Variants in TRPS1 observed in about 807,000 individuals in gnomAD.
The protein encoded by TRPS1 is transcriptional repressor GATA binding 1.
Under a neutral mutation model 101.2 loss-of-function variants are expected in TRPS1, and 6 were observed. The ratio of observed to expected loss-of-function variants is 0.06; its 90% confidence interval spans 0.03 to 0.12. TRPS1 has a LOEUF of 0.12. Ranked by LOEUF, TRPS1 falls within the 10% of genes least tolerant of loss-of-function variation. TRPS1 has a pLI of 1.00. For missense variants in TRPS1, 1,363 were observed against 1,567.0 expected (o/e 0.87, Z 2.20); for synonymous variants, 578 against 589.8 (o/e 0.98, Z 0.29).
At chr8:115,667,845 C>T (rs1811960791) in intron 1 of TRPS1, 2 of 1,535,232 alleles carry the variant, frequency 1.3e-6, no homozygotes, top group Non-Finnish European at 1.7e-6. Flanking sequence ...CTGAGACCCT[C>T]CCGACCCTCC....
At chr8:115,499,915 A>ATTTC (rs373053040) in intron 5 of TRPS1, among the ~76,000 whole-genome samples, 5,264 of 134,632 alleles carry the variant, frequency 0.039, 133 homozygotes, top group Middle Eastern at 0.051. Context: ...AAAGTGCTAA[A>ATTTC]TTTCTTTCTT....
chr8:115,622,766 A>T (rs1818423755), intron 2 of TRPS1, among the ~76,000 whole-genome samples: 1 of 152,186 alleles, frequency 6.6e-6, no homozygotes, highest in African/African-American at 2.4e-5. Context: ...CAGGACTCAC[A>T]AAGAAATGAG....
intron 5 of TRPS1, among the ~76,000 whole-genome samples, chr8:115,420,346 C>G (rs552128583): frequency 2.0e-5 from 3 of 152,144 alleles, no homozygotes; most frequent in Non-Finnish European, 4.4e-5. Context: ...TCCCTTTGTG[C>G]AAAGTAAGCT....
At chr8:115,648,517 G>GC (rs1256813569) in intron 1 of TRPS1, among the ~76,000 whole-genome samples, 1 of 152,192 alleles carries the variant, frequency 6.6e-6, no homozygotes, top group African/African-American at 2.4e-5. Flanking sequence ...CCTAGGCAGG[G>GC]CCGCAGACAG....
chr8:115,590,512 A>T (rs1817656375), intron 4 of TRPS1, among the ~76,000 whole-genome samples: 1 of 152,188 alleles, frequency 6.6e-6, no homozygotes, highest in Admixed American at 6.5e-5. Flanking sequence ...GACTGTAAAT[A>T]CCAGGGTGAC....
chr8:115,621,872 T>C (rs1330757466), intron 2 of TRPS1, among the ~76,000 whole-genome samples: 1 of 151,076 alleles, frequency 6.6e-6, no homozygotes, highest in Non-Finnish European at 1.5e-5. Flanking sequence ...GCCAAGATCA[T>C]GCCATTGCAC....
At chr8:115,461,309 A>G (rs1814169570) in intron 5 of TRPS1, among the ~76,000 whole-genome samples, 1 of 105,944 alleles carries the variant, frequency 9.4e-6, no homozygotes, top group Non-Finnish European at 2.5e-5. Flanking sequence ...AGACAGATAC[A>G]TACATACATA....
intron 1 of TRPS1, among the ~76,000 whole-genome samples, chr8:115,653,009 C>T (rs1352116629): frequency 6.6e-6 from 1 of 152,106 alleles, no homozygotes; most frequent in Non-Finnish European, 1.5e-5. Context: ...TAAACCTTAT[C>T]TGGATATCAC....
intron 5 of TRPS1, among the ~76,000 whole-genome samples, chr8:115,470,893 T>C (rs761821793): frequency 6.6e-6 from 1 of 152,150 alleles, no homozygotes; most frequent in Non-Finnish European, 1.5e-5. Context: ...TTAGATGGAG[T>C]TGATATTTAG....
chr8:115,659,078 T>C (rs1344186201), intron 1 of TRPS1, among the ~76,000 whole-genome samples: 3 of 152,038 alleles, frequency 2.0e-5, no homozygotes, highest in Non-Finnish European at 2.9e-5. Flanking sequence ...AATAGTTTAT[T>C]ATAATTGAGG....
intron 4 of TRPS1, among the ~76,000 whole-genome samples, chr8:115,601,484 T>C (rs1256644315): frequency 6.6e-6 from 1 of 152,028 alleles, no homozygotes; most frequent in Non-Finnish European, 1.5e-5. Flanking sequence ...TCTGAAATTG[T>C]AAGGCTCCAA....
At position 115,656,887 on chromosome 8, in the gene TRPS1, G is replaced by A. The variant is rs188536148; in HGVS notation, c.-122+11658C>T. 5.7e-3 allele frequency among the ~76,000 whole-genome samples: 863 copies of A among 152,042 alleles called. 4 individuals are homozygous for A. The highest frequency in any genetic ancestry group is 9.0e-3 in the Non-Finnish European group (611 of 67,916). On this transcript the variant is annotated intron_variant, in intron 1 of 6. Transcript: ENST00000395715. The stretch of plus-strand genomic sequence containing the variant: ...AATAAGAAAACCCCGAAAAGATAAA[G>A]TACTTCCTCTACTTTCTGATAAGCT...
chr8:115,431,068 T>C (rs771459980), intron 5 of TRPS1, among the ~76,000 whole-genome samples: 1 of 152,094 alleles, frequency 6.6e-6, no homozygotes, highest in East Asian at 1.9e-4. Context: ...AACTTATTTT[T>C]ATTACTATGT....
intron 5 of TRPS1, among the ~76,000 whole-genome samples, chr8:115,498,223 C>T (rs1275703778): frequency 2.0e-5 from 3 of 151,496 alleles, no homozygotes; most frequent in African/African-American, 7.3e-5. Flanking sequence ...ACAAAAAACA[C>T]AAAAAATTAG....
At chr8:115,643,922 C>T (rs1818957100) in intron 1 of TRPS1, among the ~76,000 whole-genome samples, 1 of 152,202 alleles carries the variant, frequency 6.6e-6, no homozygotes, top group Non-Finnish European at 1.5e-5. Context: ...TAACATTCAT[C>T]TCTTTGTACA....
At chr8:115,474,302 G>C (rs1030837510) in intron 5 of TRPS1, among the ~76,000 whole-genome samples, 2 of 152,050 alleles carry the variant, frequency 1.3e-5, no homozygotes, top group South Asian at 4.1e-4. Context: ...CATAGTGTTA[G>C]AACCTCAGAA....
intron 5 of TRPS1, among the ~76,000 whole-genome samples, chr8:115,572,373 C>T (rs891180914): frequency 2.6e-5 from 4 of 152,140 alleles, no homozygotes; most frequent in Non-Finnish European, 5.9e-5. Context: ...TGATAAGCAA[C>T]CTCTTCTGGA....
At chr8:115,459,772 C>G (rs1247133490) in intron 5 of TRPS1, among the ~76,000 whole-genome samples, 2 of 152,104 alleles carry the variant, frequency 1.3e-5, no homozygotes, top group Admixed American at 1.3e-4. Flanking sequence ...AGAACATAAT[C>G]AAATTCAGAC....
At chr8:115,529,217 G>C (rs181808288) in intron 5 of TRPS1, among the ~76,000 whole-genome samples, 12 of 151,932 alleles carry the variant, frequency 7.9e-5, no homozygotes. Flanking sequence ...TTTTGCAGGA[G>C]AGGTACAGAA....
Sources: gnomAD v4.1 joint callset for allele counts (sites outside exome capture counted in the v4.1 genomes callset) on GRCh38, gnomAD v4.1.1 for gene constraint, MANE v1.5 for transcripts, NCBI Gene and HGNC (gene_info 2026-07-23, HGNC 2026-07-21) for gene names.